The following INO80D variants were observed in gnomAD, a reference collection of about 807,000 sequenced individuals.
INO80D encodes the protein INO80 complex subunit D.
Under a neutral mutation model 87.6 loss-of-function variants are expected in INO80D, and 21 were observed. The observed-to-expected ratio is 0.24, with a 90% confidence interval of 0.17 to 0.35. The LOEUF is 0.35. Among genes scored for constraint, INO80D ranks in the 10% least tolerant of loss-of-function variants. The probability of loss-of-function intolerance (pLI) is 1.00; values close to 1 mark genes in which losing one functional copy is unlikely to be tolerated. For missense variants in INO80D, 982 were observed against 1,280.7 expected (o/e 0.77, Z 3.56); for synonymous variants, 440 against 491.0 (o/e 0.90, Z 1.37).
At chr2:206,025,346 G>A (rs1688578123) in intron 6 of INO80D, among the ~76,000 whole-genome samples, 1 of 150,906 alleles carries the variant, frequency 6.6e-6, no homozygotes, top group African/African-American at 2.4e-5. Flanking sequence ...TGGCCAACAT[G>A]GCGAAACTCC....
intron 3 of INO80D, among the ~76,000 whole-genome samples, chr2:206,060,427 G>C (rs1689655950): frequency 6.6e-6 from 1 of 151,714 alleles, no homozygotes; most frequent in African/African-American, 2.4e-5. Flanking sequence ...CAGCTACTGG[G>C]GAGGCTGGTG....
intron 1 of INO80D, among the ~76,000 whole-genome samples, chr2:206,066,133 G>T (rs1040309002): frequency 6.6e-6 from 1 of 152,058 alleles, no homozygotes; most frequent in East Asian, 1.9e-4. Flanking sequence ...GTTGGCATGC[G>T]CCTGTAGTCT....
chr2:206,075,728 G>A (rs528517705), intron 1 of INO80D, among the ~76,000 whole-genome samples: 53 of 150,846 alleles, frequency 3.5e-4, no homozygotes, highest in African/African-American at 9.7e-4. Flanking sequence ...ATGAGCCACC[G>A]TGCCCAGTTC....
At chr2:206,083,822 A>C (rs1690350581) in intron 1 of INO80D, among the ~76,000 whole-genome samples, 1 of 149,164 alleles carries the variant, frequency 6.7e-6, no homozygotes, top group African/African-American at 2.5e-5. Flanking sequence ...ACCAAGCAGG[A>C]CACCGCACAT....
At position 206,024,657 on chromosome 2, in the gene INO80D, T is replaced by C. The variant is rs1022793989; in HGVS notation, c.1298+3454A>G. Among the ~76,000 whole-genome samples, 6 of 152,228 alleles carry C rather than the reference T, an allele frequency of 3.9e-5. No homozygotes were observed. In the South Asian group the frequency reaches 1.0e-3, roughly 26 times the overall value. ...TTATTACAACAAATGAAAAGCAAAA[T>C]ACACAACACTAAAATAAAATATCAA... On this transcript the variant is annotated intron_variant, in intron 6 of 10. Transcript: ENST00000403263.
At chr2:206,067,618 T>G (rs1235147231) in intron 1 of INO80D, among the ~76,000 whole-genome samples, 2 of 152,114 alleles carry the variant, frequency 1.3e-5, no homozygotes, top group African/African-American at 4.8e-5. Flanking sequence ...AATTTGAAAA[T>G]TATAAAACAT....
At chr2:206,017,485 A>G (rs890343566) in intron 8 of INO80D, among the ~76,000 whole-genome samples, 195 bp downstream of exon 8, 1 of 152,242 alleles carries the variant, frequency 6.6e-6, no homozygotes, top group African/African-American at 2.4e-5. Flanking sequence ...CATAGGAACA[A>G]AGAGAGTATT....
At chr2:206,026,201 GT>G (rs1213141250) in intron 6 of INO80D, among the ~76,000 whole-genome samples, 1 of 151,962 alleles carries the variant, frequency 6.6e-6, no homozygotes, top group African/African-American at 2.4e-5. Context: ...ACCCAGCCAT[GT>G]TTTGAAATTT....
intron 1 of INO80D, among the ~76,000 whole-genome samples, chr2:206,077,380 T>C (rs1157513095): frequency 6.6e-6 from 1 of 151,810 alleles, no homozygotes; most frequent in African/African-American, 2.4e-5. Context: ...CAGTAAGTAG[T>C]GGTTTATTTG....
At chr2:206,057,821 A>G (rs1039187764) in intron 3 of INO80D, among the ~76,000 whole-genome samples, 1 of 152,080 alleles carries the variant, frequency 6.6e-6, no homozygotes, top group African/African-American at 2.4e-5. Flanking sequence ...ATAAAATAAT[A>G]AAAACTAATA....
At chr2:206,013,279 C>T (rs189041775) in intron 8 of INO80D, among the ~76,000 whole-genome samples, 10 of 152,216 alleles carry the variant, frequency 6.6e-5, no homozygotes, top group Middle Eastern at 3.4e-3. Flanking sequence ...GGAGGCCAGG[C>T]GCGGTGGCTT....
intron 5 of INO80D, among the ~76,000 whole-genome samples, chr2:206,038,034 T>G (rs1336518494): frequency 6.6e-6 from 1 of 152,136 alleles, no homozygotes; most frequent in Non-Finnish European, 1.5e-5. Context: ...AAAAACATGT[T>G]CACATAGACG....
chr2:206,035,329 T>G (rs952601658), intron 5 of INO80D, among the ~76,000 whole-genome samples: 17 of 152,078 alleles, frequency 1.1e-4, no homozygotes, highest in African/African-American at 4.1e-4. Flanking sequence ...ACACACTACC[T>G]GATTTCAAAC....
chr2:206,003,188 C>T lies in INO80D; in HGVS notation c.*1180G>A, dbSNP rs1210639429. ...TGAAAGAAACTTTAAAATGTGTATCCTTCAGATATTACACATCACTTCACA... is the reference window on the plus strand; with the variant it reads ...TGAAAGAAACTTTAAAATGTGTATCTTTCAGATATTACACATCACTTCACA... On this transcript the variant is annotated 3_prime_UTR_variant, in exon 11 of 11. Coordinates refer to ENST00000403263, the MANE Select transcript of INO80D (RefSeq NM_017759.5). The T allele has an allele frequency of 6.6e-6, 1 of 152,114 alleles. No homozygotes were observed. The highest frequency in any genetic ancestry group is 1.5e-5 in the Non-Finnish European group (1 of 68,030). 9.4% of individuals were successfully genotyped at this position (152,114 alleles called of 1,614,324 possible).
chr2:206,054,474 C>T (rs1237910232), intron 4 of INO80D, among the ~76,000 whole-genome samples: 2 of 152,014 alleles, frequency 1.3e-5, no homozygotes, highest in South Asian at 2.1e-4. Context: ...TTTTAATCCA[C>T]AGGATAGTGT....
chr2:206,044,004 T>C (rs567215861), intron 5 of INO80D, among the ~76,000 whole-genome samples: 1 of 152,140 alleles, frequency 6.6e-6, no homozygotes, highest in South Asian at 2.1e-4. Flanking sequence ...CCAGCCTGGG[T>C]AAACATAACA....
rs1315082407 is a variant in INO80D at position 205,995,612 on chromosome 2, C to T, written c.*8756G>A. 2 of 152,110 alleles carry T rather than the reference C, an allele frequency of 1.3e-5. No individual in the cohort carries two copies. The highest frequency in any genetic ancestry group is 2.9e-5 in the Non-Finnish European group (2 of 68,000). 9.4% of individuals were successfully genotyped at this position (152,110 alleles called of 1,614,324 possible). On this transcript the variant is annotated 3_prime_UTR_variant, in exon 11 of 11. Coordinates refer to ENST00000403263, the MANE Select transcript of INO80D (RefSeq NM_017759.5). ...TTGCCTTTGAATATCTATATATCTACTCCCACAATATATACTAGAGACATA... is the reference window on the plus strand; with the variant it reads ...TTGCCTTTGAATATCTATATATCTATTCCCACAATATATACTAGAGACATA...
At chr2:206,024,698 G>A (rs1443235252) in intron 6 of INO80D, among the ~76,000 whole-genome samples, 2 of 152,036 alleles carry the variant, frequency 1.3e-5, no homozygotes, top group African/African-American at 4.8e-5. Context: ...AGGTATATAA[G>A]TAATATGACC....
chr2:206,027,135 TACACAC>T (rs1688635336), intron 6 of INO80D, among the ~76,000 whole-genome samples: 1 of 141,718 alleles, frequency 7.1e-6, no homozygotes, highest in African/African-American at 2.6e-5. Context: ...CTGGAAAATT[TACACAC>T]GCACGCGCGC....
Sources: allele counts gnomAD v4.1 joint callset (sites outside exome capture counted in the v4.1 genomes callset), GRCh38; gene constraint gnomAD v4.1.1; transcripts MANE v1.5; gene names NCBI Gene and HGNC (gene_info 2026-07-23, HGNC 2026-07-21).